The following MEN1 variants were observed in gnomAD, a reference collection of about 807,000 sequenced individuals.
The protein encoded by MEN1 is menin 1.
Under a neutral mutation model 58.0 loss-of-function variants are expected in MEN1, and 6 were observed. The observed-to-expected ratio is 0.10, with a 90% CI of 0.06 to 0.20. The LOEUF is 0.20. MEN1 is among the 10% of genes least tolerant of loss of function. MEN1 has a pLI of 1.00. For missense variants in MEN1, 492 were observed against 818.5 expected, an observed-to-expected ratio of 0.60 and a Z score of 4.87; for synonymous variants, 346 against 350.7, an observed-to-expected ratio of 0.99 and a Z score of 0.15.
intron 2 of MEN1, 96 bp downstream of exon 2, chr11:64,809,569 C>G: frequency 6.8e-7 from 1 of 1,475,088 alleles, no homozygotes; most frequent in South Asian, 1.2e-5. Flanking sequence ...CCTGCCGAAC[C>G]TCACAAGGCT....
intron 2 of MEN1, among the ~76,000 whole-genome samples, chr11:64,808,970 T>A (rs622720): frequency 2.7e-5 from 3 of 109,710 alleles, no homozygotes; most frequent in East Asian, 5.4e-4. Flanking sequence ...AAAAAAAAAA[T>A]TTTCATAGGC....
chr11:64,804,926 G>A lies in MEN1; in HGVS notation c.1350+108C>T. ...CACCCAGGGGGTCTCAGTCCCATCGGCACCCAAGGGGATGGGCAGATGCTG... is the reference window on the plus strand; with the variant it reads ...CACCCAGGGGGTCTCAGTCCCATCGACACCCAAGGGGATGGGCAGATGCTG... On this transcript the variant is annotated intron_variant, in intron 9 of 9. Transcript: ENST00000450708. The surrounding 1 kb of genome is among the most constrained non-coding windows in gnomAD (Gnocchi z 4.2). 1 of 1,597,326 alleles carries A rather than the reference G, an allele frequency of 6.3e-7. No homozygotes were observed. Among genetic ancestry groups the A allele is most frequent in the Non-Finnish European group, 8.5e-7 (1 of 1,178,474 alleles).
In MEN1 at chr11:64,805,084, C is replaced by T. The variant is rs767854775; in HGVS notation, c.1300G>A (p.Val434Met). 1 of 1,614,128 alleles carries T rather than the reference C, an allele frequency of 6.2e-7. No individual in the cohort carries two copies. The part of the protein sequence containing the change: ...EEGSPTPVLH[V>M]GWATFLVQSL... ...TGCACAAGAAAGGTGGCCCAGCCCA[C>T]ATGCAGCACAGGCGTGGGACTGCCC... The change falls in exon 9 of 10, where the codon GTG becomes ATG. Residue 434 changes from valine to methionine, a missense_variant. Transcript: ENST00000450708.
rs2136090833 is a variant in MEN1 at position 64,804,743 on chromosome 11, G to A, written c.1424C>T (p.Ala475Val). ...TGGGCCCCGCCGCCGGCCTTCCCGG[G>A]CTTCCTCGCCCCACGGCTCCTCGGC... ...AEAEEPWGEE[A>V]REGRRRGPRR... is the part of the protein sequence containing the mutation. The change falls in exon 10 of 10, where the codon GCC becomes GTC. Residue 475 changes from alanine to valine, a missense_variant. By Grantham distance (64) the Ala-to-Val change is moderately conservative (BLOSUM62 0). This residue lies in a region of MEN1 where 45 missense variants were observed against 66.9 expected (regional missense o/e 0.67). Coordinates refer to ENST00000450708, the MANE Select transcript of MEN1 (RefSeq NM_001370259.2). This position sits in a 1 kb window ranked among gnomAD's most constrained non-coding sequence, Gnocchi z 4.2. 3.8e-6 allele frequency: 6 copies of A among 1,597,138 alleles called. No homozygotes were observed. Among genetic ancestry groups the A allele is most frequent in the Non-Finnish European group, 5.1e-6 (6 of 1,178,752 alleles).
rs760055188 is a variant in MEN1 at position 64,807,248 on chromosome 11, C to T, written c.784-29G>A. 1 of 1,609,302 alleles carries T rather than the reference C, an allele frequency of 6.2e-7. No homozygotes were observed. Among genetic ancestry groups the T allele is most frequent in the Non-Finnish European group, 8.5e-7 (1 of 1,178,946 alleles). ...GGAGCCGAAGGAGAGAGTTATGAGC[C>T]ACGGAACAGGGAGGAGAACGGGTCC... On this transcript the variant is annotated intron_variant, in intron 4 of 9. Coordinates refer to ENST00000450708, the MANE Select transcript of MEN1 (RefSeq NM_001370259.2). The surrounding 1 kb of genome is among the most constrained non-coding windows in gnomAD (Gnocchi z 4.9).
At chr11:64,808,334 C>T (rs1941891434) in intron 2 of MEN1, among the ~76,000 whole-genome samples, 1 of 152,198 alleles carries the variant, frequency 6.6e-6, no homozygotes, top group Non-Finnish European at 1.5e-5. Flanking sequence ...GTAGCTGACC[C>T]AGCCTTTGGC....
At chr11:64,805,338 T>C in intron 8 of MEN1, 140 bp from the exon 9 acceptor site, 4 of 1,030,662 alleles carry the variant, frequency 3.9e-6, no homozygotes, top group Non-Finnish European at 5.6e-6. Context: ...TTAGAACCTC[T>C]TTCCTTTTAT....
Position 64,805,788 on chromosome 11 carries a change from T to C in MEN1, c.1050-18A>G. The C allele has an allele frequency of 6.2e-7, 1 of 1,613,770 alleles. No individual in the cohort carries two copies. ...AGTTGTAGCTGTGAGAGCAGTGGGGTCTCTGTAGGGTCTGAAGGGGTCTCA... is the reference window on the plus strand; with the variant it reads ...AGTTGTAGCTGTGAGAGCAGTGGGGCCTCTGTAGGGTCTGAAGGGGTCTCA... On this transcript the variant is annotated intron_variant, in intron 7 of 9. Transcript: ENST00000450708.
chr11:64,810,092 G>T lies in MEN1; in HGVS notation c.18C>A (p.Ala6=). ...AGCGCAGCGGGAACAGCGTCTTCTG[G>T]GCGGCCTTCAGCCCCATGGCGGCGG... The part of the protein sequence containing the change: MGLKA[A]QKTLFPLRSI... The change falls in exon 2 of 10, where the codon GCC becomes GCA. Residue 6 remains alanine (A), a synonymous_variant. Coordinates refer to ENST00000450708, the MANE Select transcript of MEN1 (RefSeq NM_001370259.2). 1 of 1,598,830 alleles carries T rather than the reference G, an allele frequency of 6.3e-7. No individual in the cohort carries two copies. Among genetic ancestry groups the T allele is most frequent in the Non-Finnish European group, 8.5e-7 (1 of 1,175,550 alleles).
chr11:64,804,781 G>T lies in MEN1; in HGVS notation c.1386C>A (p.Ala462=), dbSNP rs771827808. The T allele has an allele frequency of 3.8e-6, 6 of 1,596,696 alleles. No individual in the cohort carries two copies. The African/African-American group carries it at 8.0e-5, about 21-fold the overall frequency. ...ACGGCTCCTCGGCCTCGGCCGCCTC[G>T]GCCTCTCGGCTCACTATGCGCACCT... is the stretch of plus-strand genomic sequence containing the variant. ...RQKVRIVSRE[A]EAAEAEEPWG... is the part of the protein sequence containing the mutation. Residue 462 remains alanine (A), a synonymous_variant, in exon 10 of 10, where the codon GCC becomes GCA. Transcript: ENST00000450708. This position sits in a 1 kb window ranked among gnomAD's most constrained non-coding sequence, Gnocchi z 4.2.
At position 64,805,632 on chromosome 11, in the gene MEN1, C is replaced by T. The variant is rs1199137996; in HGVS notation, c.1185+3G>A. ...GACACAGGCTGGAGCTCCAGCCTTTCACCTGGCTTTGCTCCCCCGGCCGCT... is the reference window on the plus strand; with the variant it reads ...GACACAGGCTGGAGCTCCAGCCTTTTACCTGGCTTTGCTCCCCCGGCCGCT... On this transcript the variant is annotated splice_donor_region_variant and intron_variant, in intron 8 of 9. Transcript: ENST00000450708. 6.2e-7 allele frequency: 1 copy of T among 1,613,558 alleles called. No homozygotes were observed. The highest frequency in any genetic ancestry group is 1.7e-5 in the Admixed American group (1 of 60,018).
chr11:64,806,945 A>G (rs1478328728), intron 6 of MEN1, 66 bp downstream of exon 6: 40 of 1,433,598 alleles, frequency 2.8e-5, no homozygotes, highest in Non-Finnish European at 3.8e-5. Flanking sequence ...TCATCTGCCC[A>G]GATGAGGGCC....
At chr11:64,806,194 A>G (rs1485460592) in intron 7 of MEN1, 38 bp downstream of exon 7, 1 of 1,612,882 alleles carries the variant, frequency 6.2e-7, no homozygotes, top group Non-Finnish European at 8.5e-7. Flanking sequence ...GGAGGGGAAG[A>G]AAGGACAGGC....
intron 2 of MEN1, among the ~76,000 whole-genome samples, chr11:64,809,458 G>A (rs1941963781): frequency 6.6e-6 from 1 of 152,044 alleles, no homozygotes; most frequent in African/African-American, 2.4e-5. Context: ...GGAGCCAAGT[G>A]ATCAGGCTTC....
Position 64,805,060 on chromosome 11 carries a change from G to A in MEN1, c.1324C>T (p.Gln442Ter), listed in dbSNP as rs794728654. ...TGTCCCTCAAAACGGCCTAGGGACT[G>A]CACAAGAAAGGTGGCCCAGCCCACA... Reference protein sequence around the residue: ...LHVGWATFLVQSLGRFEGQVR... With the variant: ...LHVGWATFLV The change falls in exon 9 of 10, where the codon CAG becomes TAG. Residue 442 changes from glutamine to a stop codon, truncating the protein, a stop_gained. Transcript: ENST00000450708. LOFTEE classifies it high-confidence loss of function. 1 of 1,614,086 alleles carries A rather than the reference G, an allele frequency of 6.2e-7. No homozygotes were observed. Among genetic ancestry groups the A allele is most frequent in the Non-Finnish European group, 8.5e-7 (1 of 1,180,008 alleles).
Position 64,807,349 on chromosome 11 carries a change from C to T in MEN1, c.784-130G>A, listed in dbSNP as rs1941804907. The T allele has an allele frequency of 5.1e-6, 6 of 1,179,212 alleles. No homozygotes were observed. The highest frequency in any genetic ancestry group is 6.1e-6 in the Non-Finnish European group (5 of 818,366). 73.0% of individuals were successfully genotyped at this position (1,179,212 alleles called of 1,614,324 possible). On this transcript the variant is annotated intron_variant, in intron 4 of 9. Coordinates refer to ENST00000450708, the MANE Select transcript of MEN1 (RefSeq NM_001370259.2). The surrounding 1 kb of genome is among the most constrained non-coding windows in gnomAD (Gnocchi z 4.9). The stretch of plus-strand genomic sequence containing the variant: ...ATGTGGAAGGGCCAAAATTCTGGGA[C>T]CAGCCCTTTAATGGAGTCAAAGCAA...
At chr11:64,806,067 T>C (rs377317129) in intron 7 of MEN1, 165 bp downstream of exon 7, 8 of 858,346 alleles carry the variant, frequency 9.3e-6, no homozygotes, top group African/African-American at 6.7e-5. Flanking sequence ...TGTGACACCT[T>C]AATCAGGGTC....
At position 64,804,354 on chromosome 11, in the gene MEN1, G is replaced by C. The variant is rs2136077141; in HGVS notation, c.1813C>G (p.Arg605Gly). ...PSDYTLSFLK[R>G]QRKGL ...GTAGTTCAGAGGCCTTTGCGCTGCC[G>C]CTTGAGGAAAGACAGAGTGTAGTCA... is the stretch of plus-strand genomic sequence containing the variant. Residue 605 changes from arginine to glycine, a missense_variant, in exon 10 of 10, where the codon CGG (arginine) becomes GGG (glycine). Arg to Gly is a moderately radical substitution (Grantham distance 125). Coordinates refer to ENST00000450708, the MANE Select transcript of MEN1 (RefSeq NM_001370259.2). The surrounding 1 kb of genome is among the most constrained non-coding windows in gnomAD (Gnocchi z 4.2). 1 of 1,614,172 alleles carries C rather than the reference G, an allele frequency of 6.2e-7. No individual in the cohort carries two copies. Among genetic ancestry groups the C allele is most frequent in the Non-Finnish European group, 8.5e-7 (1 of 1,180,014 alleles).
chr11:64,810,216 C>T, intron 1 of MEN1, 84 bp from the exon 2 acceptor site: 1 of 820,698 alleles, frequency 1.2e-6, no homozygotes, highest in South Asian at 1.7e-5. Context: ...TCCACCCGCC[C>T]CGACACACGC....
Sources: allele counts gnomAD v4.1 joint callset (sites outside exome capture counted in the v4.1 genomes callset), GRCh38; gene constraint gnomAD v4.1.1; regional missense constraint gnomAD v4.1.1; non-coding constraint Gnocchi (gnomAD v3.1); transcripts MANE v1.5; gene names NCBI Gene and HGNC (gene_info 2026-07-23, HGNC 2026-07-21).